The following PIK3C2A variants were observed in gnomAD, a reference collection of about 807,000 sequenced individuals.
PIK3C2A encodes phosphatidylinositol 4-phosphate 3-kinase C2 domain-containing subunit alpha.
In PIK3C2A, 97 loss-of-function variants were observed where a neutral mutation model predicts 204.5. The ratio of observed to expected loss-of-function variants is 0.47; its 90% CI spans 0.40 to 0.56. PIK3C2A has a LOEUF of 0.56. Among genes scored for constraint, PIK3C2A ranks in the 20% least tolerant of loss-of-function variants. The pLI is 0.00. For missense variants in PIK3C2A, 1,735 were observed against 1,969.2 expected (o/e 0.88, Z 2.25); for synonymous variants, 653 against 664.4 (o/e 0.98, Z 0.26).
chr11:17,196,088 A>G (rs1287054731), intron 1 of PIK3C2A, among the ~76,000 whole-genome samples: 3 of 152,088 alleles, frequency 2.0e-5, no homozygotes, highest in African/African-American at 7.2e-5. Context: ...ATACTATCAC[A>G]TTGTGGATTA....
chr11:17,187,546 C>T (rs1851796591), intron 1 of PIK3C2A, among the ~76,000 whole-genome samples: 1 of 152,068 alleles, frequency 6.6e-6, no homozygotes, highest in African/African-American at 2.4e-5. Context: ...TTCTCATTGG[C>T]AGGGTTTCAC....
At chr11:17,193,363 C>T (rs895024760) in intron 1 of PIK3C2A, 1 of 170,128 alleles carries the variant, frequency 5.9e-6, no homozygotes, top group South Asian at 1.1e-4. Context: ...GCTTTGTTAT[C>T]CCACTAAGTT....
At chr11:17,114,080 A>AAATAAATAAATAAATAAAT (rs1849090288) in intron 20 of PIK3C2A, among the ~76,000 whole-genome samples, 2 of 143,304 alleles carry the variant, frequency 1.4e-5, no homozygotes, top group Non-Finnish European at 3.0e-5. Flanking sequence ...TTTGTCTCAA[A>AAATAAATAAATAAATAAAT]AAATAAATAA....
At chr11:17,111,024 C>T (rs1210618830) in intron 21 of PIK3C2A, among the ~76,000 whole-genome samples, 5 of 152,126 alleles carry the variant, frequency 3.3e-5, no homozygotes, top group Admixed American at 3.3e-4. Flanking sequence ...TCTCCTGCCT[C>T]AGCCTCCTGA....
At chr11:17,109,666 T>C (rs1440913790) in intron 22 of PIK3C2A, among the ~76,000 whole-genome samples, 2 of 152,166 alleles carry the variant, frequency 1.3e-5, no homozygotes, top group Non-Finnish European at 2.9e-5. Context: ...TAGGCTCAAG[T>C]AATCCTCTCA....
chr11:17,161,843 G>T (rs1310164585), intron 2 of PIK3C2A, among the ~76,000 whole-genome samples: 1 of 152,220 alleles, frequency 6.6e-6, no homozygotes, highest in Admixed American at 6.5e-5. Flanking sequence ...GGAAAAGTTT[G>T]TAAGTAGAGA....
At chr11:17,103,810 A>T (rs1433763106) in intron 23 of PIK3C2A, among the ~76,000 whole-genome samples, 1 of 152,214 alleles carries the variant, frequency 6.6e-6, no homozygotes, top group East Asian at 1.9e-4. Flanking sequence ...ATTCCCTCTT[A>T]CTTATTAAAT....
chr11:17,102,309 C>T (rs1386433204), intron 24 of PIK3C2A, among the ~76,000 whole-genome samples: 11 of 152,026 alleles, frequency 7.2e-5, no homozygotes, highest in African/African-American at 1.2e-4. Flanking sequence ...TGGTGGCGGG[C>T]GCCTGTAGTC....
chr11:17,193,303 C>T (rs915584687), intron 1 of PIK3C2A, among the ~76,000 whole-genome samples: 6 of 152,048 alleles, frequency 3.9e-5, no homozygotes, highest in South Asian at 2.1e-4. Flanking sequence ...GAGATTTTTC[C>T]GCCGCAGTTA....
At chr11:17,191,969 C>T (rs1040537098) in intron 1 of PIK3C2A, among the ~76,000 whole-genome samples, 1 of 137,722 alleles carries the variant, frequency 7.3e-6, no homozygotes, top group African/African-American at 2.7e-5. Context: ...CCTGCTTCTA[C>T]TAAAAAAAAA....
chr11:17,134,752 T>C lies in PIK3C2A; in HGVS notation c.2108+67A>G, dbSNP rs1480724413. ...CTGGGGTCAAGCAATCCTCCCACTG[T>C]GGCCTCACAAAGCCTTGGGATTACA... On this transcript the variant is annotated intron_variant, in intron 11 of 32. Coordinates refer to ENST00000691414, the MANE Select transcript of PIK3C2A (RefSeq NM_002645.4). 3 of 1,136,050 alleles carry C rather than the reference T, an allele frequency of 2.6e-6. No individual in the cohort carries two copies. The East Asian group carries it at 7.0e-5, about 27-fold the overall frequency. The allele number at this position is 1,136,050 out of a possible 1,614,324, so 70.4% of individuals were successfully genotyped here. A position where few individuals can be genotyped will look rare whatever the true frequency, so the allele number is the denominator to read the frequency against.
At chr11:17,175,350 C>G (rs1851303992) in intron 1 of PIK3C2A, among the ~76,000 whole-genome samples, 1 of 152,112 alleles carries the variant, frequency 6.6e-6, no homozygotes, top group African/African-American at 2.4e-5. Context: ...TTTAAGTTTT[C>G]CAAGAGGTTA....
chr11:17,129,410 A>G lies in PIK3C2A; in HGVS notation c.2289T>C (p.Thr763=), dbSNP rs200242390. Residue 763 remains threonine, a synonymous_variant, in exon 13 of 33, where the codon ACT becomes ACC. Transcript: ENST00000691414. ...TGCTCTGATTTAAAATTCCAAAAAG[A>G]GTAAGGTGAAGAACTGATTCTAATG... The part of the protein sequence containing the change: ...QLPLESVLHL[T]LFGILNQSSG... The G allele has an allele frequency of 9.9e-6, 16 of 1,610,998 alleles. No homozygotes were observed. The highest frequency in any genetic ancestry group is 2.5e-6 in the Non-Finnish European group (3 of 1,177,274).
intron 1 of PIK3C2A, among the ~76,000 whole-genome samples, chr11:17,188,935 A>G (rs1851847455): frequency 6.8e-6 from 1 of 146,988 alleles, no homozygotes; most frequent in African/African-American, 2.7e-5. Flanking sequence ...TGCCCTCCTG[A>G]GGCAAGGGTA....
chr11:17,190,461 C>G (rs1196974570), intron 1 of PIK3C2A, among the ~76,000 whole-genome samples: 2 of 151,100 alleles, frequency 1.3e-5, no homozygotes, highest in Non-Finnish European at 2.9e-5. Flanking sequence ...ATCCTAGCTA[C>G]TCAGGAGGCT....
chr11:17,092,653 G>A (rs1848342486), intron 28 of PIK3C2A, among the ~76,000 whole-genome samples: 1 of 152,178 alleles, frequency 6.6e-6, no homozygotes, highest in South Asian at 2.1e-4. Context: ...GGGTGACAGA[G>A]CAAGTCTCCG....
At chr11:17,128,565 C>T (rs1849596318) in intron 13 of PIK3C2A, among the ~76,000 whole-genome samples, 1 of 152,192 alleles carries the variant, frequency 6.6e-6, no homozygotes, top group Non-Finnish European at 1.5e-5. Flanking sequence ...TGCCAATGTG[C>T]ATCATCTATT....
At chr11:17,168,010 T>C (rs575169893) in intron 2 of PIK3C2A, among the ~76,000 whole-genome samples, 2 of 151,620 alleles carry the variant, frequency 1.3e-5, no homozygotes, top group Middle Eastern at 3.4e-3. Flanking sequence ...AAATTTCTTA[T>C]TTGCATTTAA....
chr11:17,090,914 CTTTTTTTT>C (rs761874478), intron 32 of PIK3C2A, among the ~76,000 whole-genome samples: 2 of 141,138 alleles, frequency 1.4e-5, no homozygotes, highest in South Asian at 2.3e-4. Context: ...TAATTTTTTT[CTTTTTTTT>C]TTTTTGTAGA....
Sources: gnomAD v4.1 joint callset for allele counts (sites outside exome capture counted in the v4.1 genomes callset) on GRCh38, gnomAD v4.1.1 for gene constraint, MANE v1.5 for transcripts, NCBI Gene and HGNC (gene_info 2026-07-23, HGNC 2026-07-21) for gene names.